TMCO6: variants seen among roughly 807,000 people sequenced by gnomAD.
The protein encoded by TMCO6 is transmembrane and coiled-coil domains 6.
TMCO6 carries 47 observed loss-of-function variants against 61.8 expected under a neutral mutation model. The ratio of observed to expected loss-of-function variants is 0.76; its 90% CI spans 0.60 to 0.97. The LOEUF is 0.97. Among genes scored for constraint, TMCO6 ranks in the 50% least tolerant of loss-of-function variants. TMCO6 has a pLI of 0.00. For synonymous variants in TMCO6, 261 were observed against 254.2 expected (o/e 1.03, Z -0.25); for missense variants, 557 against 601.6 (o/e 0.93, Z 0.78).
At chr5:140,606,487 A>G in the TMCO6 span, among the ~76,000 whole-genome samples, 4 of 151,914 alleles carry the variant, frequency 2.6e-5, no homozygotes, top group Middle Eastern at 3.4e-3. Flanking sequence ...TATTTTTTCC[A>G]TTCCTTATTT....
At chr5:140,604,400 A>C in the TMCO6 span, among the ~76,000 whole-genome samples, 1 of 151,926 alleles carries the variant, frequency 6.6e-6, no homozygotes, top group African/African-American at 2.4e-5. Context: ...TCTCAAAAAA[A>C]TAAATAAAAA....
the TMCO6 span, among the ~76,000 whole-genome samples, chr5:140,625,041 A>G: frequency 6.6e-6 from 1 of 151,162 alleles, no homozygotes; most frequent in East Asian, 1.9e-4. Flanking sequence ...TTTAGTAGAA[A>G]CGGGGTTTCA....
rs1757334443 is a variant in TMCO6 at position 140,645,344 on chromosome 5, T to G, written c.*246T>G. 1.3e-6 allele frequency: 1 copy of G among 743,138 alleles called. No homozygotes were observed. The highest frequency in any genetic ancestry group is 2.3e-6 in the Non-Finnish European group (1 of 426,906). 46.0% of individuals were successfully genotyped at this position (743,138 alleles called of 1,614,324 possible). A position where few individuals can be genotyped will look rare whatever the true frequency, so the allele number is the denominator to read the frequency against. On this transcript the variant is annotated 3_prime_UTR_variant, in exon 12 of 12. Coordinates refer to ENST00000394671, the MANE Select transcript of TMCO6 (RefSeq NM_018502.5). ...ATCCCTGCCCCCCCGCCACCCTTCA[T>G]GTTTGCTTCAGCAGCTGGTAGCTTT...
At chr5:140,618,490 CT>C in the TMCO6 span, among the ~76,000 whole-genome samples, 14 of 147,564 alleles carry the variant, frequency 9.5e-5, no homozygotes, top group South Asian at 2.2e-4. Context: ...TTTACTTTTT[CT>C]TTTTTTTTTA....
the TMCO6 span, among the ~76,000 whole-genome samples, chr5:140,599,303 G>C: frequency 6.6e-6 from 1 of 152,090 alleles, no homozygotes; most frequent in African/African-American, 2.4e-5. Flanking sequence ...TCTTCTATTG[G>C]GCATTGATAT....
chr5:140,611,955 TAGA>T, the TMCO6 span, among the ~76,000 whole-genome samples: 3 of 152,146 alleles, frequency 2.0e-5, no homozygotes, highest in African/African-American at 7.2e-5. Flanking sequence ...CTCTGAGCAT[TAGA>T]AGAAGTGGGG....
chr5:140,601,219 G>A, the TMCO6 span, among the ~76,000 whole-genome samples: 73 of 152,278 alleles, frequency 4.8e-4, 1 homozygote, highest in Middle Eastern at 6.8e-3. Context: ...ATGTTAAGGA[G>A]TCCTAGAAAT....
chr5:140,634,399 C>G, the TMCO6 span, among the ~76,000 whole-genome samples: 4 of 151,628 alleles, frequency 2.6e-5, no homozygotes, highest in Non-Finnish European at 4.4e-5. Context: ...AACAAATGTC[C>G]CAGAGAATAA....
At chr5:140,647,187 G>A, downstream of TMCO6, 9 of 1,473,980 alleles carry the variant, frequency 6.1e-6, no homozygotes, top group Middle Eastern at 3.7e-4. Context: ...ACGACCTTGG[G>A]CGGTCCCTTC....
In TMCO6 at chr5:140,644,651, G is replaced by A. The variant is rs538100331; in HGVS notation, c.1279G>A (p.Ala427Thr). 1.9e-5 allele frequency: 31 copies of A among 1,614,200 alleles called. No homozygotes were observed. Among genetic ancestry groups the A allele is most frequent in the South Asian group, 7.7e-5 (7 of 91,086 alleles). ...QRLWPGPLLP[A>T]LLHTLAFSDT... ...GCTGTGGCCAGGGCCCCTGCTTCCC[G>A]CCTTGCTGCACACACTAGCCTTTTC... Residue 427 changes from alanine to threonine, a missense_variant, in exon 11 of 12, where the codon GCC becomes ACC. Coordinates refer to ENST00000394671, the MANE Select transcript of TMCO6 (RefSeq NM_018502.5).
At chr5:140,601,739 C>G in the TMCO6 span, among the ~76,000 whole-genome samples, 1 of 152,134 alleles carries the variant, frequency 6.6e-6, no homozygotes, top group Non-Finnish European at 1.5e-5. Flanking sequence ...AATTAAAAGG[C>G]AGATTTCAGG....
chr5:140,610,217 C>T, the TMCO6 span, among the ~76,000 whole-genome samples: 16 of 145,780 alleles, frequency 1.1e-4, no homozygotes, highest in Non-Finnish European at 1.8e-4. Context: ...AAAAGCCAGG[C>T]GTGGCAGCAT....
chr5:140,645,669 T>C (rs1439294049), downstream of TMCO6: 2 of 1,614,212 alleles, frequency 1.2e-6, no homozygotes, highest in Admixed American at 1.7e-5. Flanking sequence ...ATTCGTCTCT[T>C]GGCCAAATGC....
chr5:140,622,256 C>T, the TMCO6 span, among the ~76,000 whole-genome samples: 2 of 152,082 alleles, frequency 1.3e-5, no homozygotes, highest in African/African-American at 2.4e-5. Context: ...AGCTGGCCGA[C>T]GCTTAAGGAA....
chr5:140,624,169 A>C, the TMCO6 span, among the ~76,000 whole-genome samples: 4 of 152,062 alleles, frequency 2.6e-5, no homozygotes. Flanking sequence ...GTTTGAGACC[A>C]GCCTGACCAA....
At chr5:140,642,551 G>T in intron 5 of TMCO6, 35 bp from the exon 6 acceptor site, 2 of 1,612,950 alleles carry the variant, frequency 1.2e-6, no homozygotes, top group Non-Finnish European at 1.7e-6. Context: ...TGATGACCCA[G>T]CTTCCAGTCA....
chr5:140,634,869 G>A (rs908261147), upstream of TMCO6, among the ~76,000 whole-genome samples: 3 of 152,042 alleles, frequency 2.0e-5, no homozygotes, highest in Non-Finnish European at 4.4e-5. Context: ...TGCAATCTCC[G>A]CCTCCCAGGT....
upstream of TMCO6, among the ~76,000 whole-genome samples, chr5:140,636,147 TG>T (rs1234071790): frequency 3.3e-5 from 5 of 152,140 alleles, no homozygotes; most frequent in African/African-American, 1.2e-4. Context: ...TACAAGCACG[TG>T]CCACCACACC....
chr5:140,626,783 C>T, the TMCO6 span, among the ~76,000 whole-genome samples: 427 of 152,274 alleles, frequency 2.8e-3, 3 homozygotes, highest in Middle Eastern at 0.014. Flanking sequence ...AACTCCTGAC[C>T]TCAGGCAATC....
Sources: gnomAD v4.1 joint callset for allele counts (sites outside exome capture counted in the v4.1 genomes callset) on GRCh38, gnomAD v4.1.1 for gene constraint, MANE v1.5 for transcripts, NCBI Gene and HGNC (gene_info 2026-07-23, HGNC 2026-07-21) for gene names.